The following NHSL3 variants were observed in gnomAD, a reference collection of about 807,000 sequenced individuals.
NHSL3 encodes NHS-like protein 3.
chr1:32,765,596 G>A, the NHSL3 span: 4 of 1,495,898 alleles, frequency 2.7e-6, no homozygotes, highest in Non-Finnish European at 3.6e-6. Flanking sequence ...TGGCGAAGGT[G>A]GGAGGAGGAC....
the NHSL3 span, among the ~76,000 whole-genome samples, chr1:32,768,307 T>C: frequency 6.6e-6 from 1 of 151,816 alleles, no homozygotes; most frequent in South Asian, 2.1e-4. Flanking sequence ...AAAGTTCGAG[T>C]GGGAGGCTGG....
At chr1:32,772,984 C>A in the NHSL3 span, 2 of 1,231,328 alleles carry the variant, frequency 1.6e-6, no homozygotes, top group Non-Finnish European at 2.4e-6. Flanking sequence ...CAGACACAAC[C>A]TAATAGAGAG....
the NHSL3 span, among the ~76,000 whole-genome samples, chr1:32,744,896 C>T: frequency 4.6e-5 from 7 of 151,276 alleles, no homozygotes; most frequent in South Asian, 4.2e-4. Flanking sequence ...GAGACCGAGG[C>T]GGGCAGATTG....
At chr1:32,768,944 C>T in the NHSL3 span, 1 of 863,122 alleles carries the variant, frequency 1.2e-6, no homozygotes, top group East Asian at 2.8e-5. Context: ...AACTATAAAG[C>T]AGTTAAGAGT....
At chr1:32,758,775 G>C in the NHSL3 span, among the ~76,000 whole-genome samples, 1 of 152,130 alleles carries the variant, frequency 6.6e-6, no homozygotes. Context: ...CTGAGGCCCA[G>C]AAAAGCACAG....
chr1:32,771,919 A>G, the NHSL3 span: 2 of 1,596,596 alleles, frequency 1.3e-6, no homozygotes, highest in South Asian at 2.2e-5. Flanking sequence ...ACCACTGCGA[A>G]GGGCCCTGTC....
the NHSL3 span, chr1:32,771,247 C>T: frequency 6.2e-7 from 1 of 1,613,206 alleles, no homozygotes; most frequent in Non-Finnish European, 8.5e-7. Context: ...TCTAGCCGCC[C>T]CTGCTGTGGT....
At chr1:32,752,532 A>G in the NHSL3 span, among the ~76,000 whole-genome samples, 1 of 152,110 alleles carries the variant, frequency 6.6e-6, no homozygotes, top group Non-Finnish European at 1.5e-5. Context: ...CAGCACAAGG[A>G]CACCTGTGAT....
chr1:32,771,903 C>T, the NHSL3 span: 12 of 1,591,042 alleles, frequency 7.5e-6, no homozygotes, highest in South Asian at 1.1e-5. Context: ...CATCGGCCCC[C>T]CAGAAACCAC....
the NHSL3 span, chr1:32,771,932 G>A: frequency 1.9e-6 from 3 of 1,600,766 alleles, no homozygotes; most frequent in Non-Finnish European, 1.7e-6. Context: ...GCCCTGTCAG[G>A]GCGGGCCAGC....
chr1:32,749,542 C>G, the NHSL3 span, among the ~76,000 whole-genome samples: 149 of 152,150 alleles, frequency 9.8e-4, no homozygotes, highest in Non-Finnish European at 1.9e-3. Flanking sequence ...GTGACTTGCT[C>G]AAGTTCACAT....
chr1:32,769,376 A>G, the NHSL3 span, among the ~76,000 whole-genome samples: 5 of 152,244 alleles, frequency 3.3e-5, no homozygotes, highest in South Asian at 6.2e-4. Context: ...TTGATGTTCT[A>G]TAAAAATGAG....
the NHSL3 span, among the ~76,000 whole-genome samples, chr1:32,744,113 G>A: frequency 1.1e-4 from 17 of 152,218 alleles, no homozygotes; most frequent in Non-Finnish European, 2.2e-4. Flanking sequence ...TGTTCAGAAT[G>A]GAGATTGGGA....
At chr1:32,755,915 CT>C in the NHSL3 span, among the ~76,000 whole-genome samples, 1 of 152,124 alleles carries the variant, frequency 6.6e-6, no homozygotes, top group Admixed American at 6.5e-5. Flanking sequence ...CTGATGGTCG[CT>C]CGGATCTGAT....
the NHSL3 span, chr1:32,765,713 G>C: frequency 5.8e-6 from 9 of 1,543,962 alleles, no homozygotes; most frequent in African/African-American, 9.6e-5. Flanking sequence ...TACGCCCCGC[G>C]CTCTGCTCTG....
the NHSL3 span, chr1:32,769,989 G>A: frequency 6.2e-7 from 1 of 1,606,114 alleles, no homozygotes; most frequent in Non-Finnish European, 8.5e-7. Flanking sequence ...CAGGGATGGG[G>A]GCCCGGGTGT....
chr1:32,773,698 C>T, the NHSL3 span: 1 of 152,746 alleles, frequency 6.5e-6, no homozygotes, highest in African/African-American at 2.4e-5. Context: ...TGCCCCTTGC[C>T]TCCTTGACCA....
At chr1:32,765,664 G>C in the NHSL3 span, 377 of 1,534,896 alleles carry the variant, frequency 2.5e-4, no homozygotes, top group Admixed American at 3.3e-4. Context: ...GGCGGGGCGG[G>C]AGGGCTCGCA....
the NHSL3 span, chr1:32,770,351 G>A: frequency 5.8e-5 from 94 of 1,610,226 alleles, no homozygotes; most frequent in Non-Finnish European, 7.2e-5. The surrounding 1 kb of genome is among the most constrained non-coding windows in gnomAD (Gnocchi z 8.3). Flanking sequence ...GCCTCAGTCC[G>A]CTCGCTGGGG....
Sources: gnomAD v4.1 joint callset for allele counts (sites outside exome capture counted in the v4.1 genomes callset) on GRCh38, gnomAD v4.1.1 for gene constraint, Gnocchi (gnomAD v3.1) non-coding constraint, MANE v1.5 for transcripts, NCBI Gene and HGNC (gene_info 2026-07-23, HGNC 2026-07-21) for gene names.